GALNT13: variants seen among roughly 807,000 people sequenced by gnomAD.
GALNT13 encodes polypeptide N-acetylgalactosaminyltransferase 13.
Under a neutral mutation model 64.2 loss-of-function variants are expected in GALNT13, and 28 were observed. The observed-to-expected ratio is 0.44, with a 90% CI of 0.32 to 0.60. GALNT13 has a LOEUF of 0.60. GALNT13 is among the 20% of genes least tolerant of loss of function. The pLI is 0.05. For missense variants in GALNT13, 577 were observed against 669.8 expected, an observed-to-expected ratio of 0.86 and a Z score of 1.53; for synonymous variants, 214 against 224.6, an observed-to-expected ratio of 0.95 and a Z score of 0.42.
the GALNT13 span, among the ~76,000 whole-genome samples, chr2:153,634,711 C>A: frequency 6.6e-6 from 1 of 151,528 alleles, no homozygotes; most frequent in Non-Finnish European, 1.5e-5. Context: ...CCATCACACC[C>A]GGCTAATTTT....
At chr2:153,110,539 C>T in the GALNT13 span, among the ~76,000 whole-genome samples, 2 of 152,020 alleles carry the variant, frequency 1.3e-5, no homozygotes, top group Admixed American at 6.6e-5. Flanking sequence ...AAAGGAAAGG[C>T]CTTTGGACTT....
chr2:154,315,170 A>G (rs1389672108), intron 9 of GALNT13, among the ~76,000 whole-genome samples: 4 of 152,218 alleles, frequency 2.6e-5, no homozygotes, highest in Admixed American at 2.0e-4. Context: ...TTTACAGGAC[A>G]TTAAACTCTC....
chr2:153,664,066 C>T, the GALNT13 span, among the ~76,000 whole-genome samples: 1 of 152,142 alleles, frequency 6.6e-6, no homozygotes, highest in African/African-American at 2.4e-5. Flanking sequence ...CCGCTGGGCA[C>T]GTATTGTCTT....
intron 3 of GALNT13, among the ~76,000 whole-genome samples, chr2:154,011,740 C>T (rs946467193): frequency 2.0e-5 from 3 of 151,834 alleles, no homozygotes; most frequent in Admixed American, 6.6e-5. Flanking sequence ...TTTATGAATC[C>T]GTATACTCCT....
intron 4 of GALNT13, among the ~76,000 whole-genome samples, chr2:154,191,266 C>T (rs77639881): frequency 0.047 from 7,200 of 152,252 alleles, 206 homozygotes; most frequent in Non-Finnish European, 0.058. Context: ...CGCGCACGCA[C>T]GCACACACAC....
chr2:153,963,678 T>A (rs1418687596), intron 3 of GALNT13, among the ~76,000 whole-genome samples: 1 of 151,666 alleles, frequency 6.6e-6, no homozygotes. Flanking sequence ...CTATTGATAC[T>A]GAGCATCAAT....
chr2:153,463,043 G>A, the GALNT13 span, among the ~76,000 whole-genome samples: 3 of 152,016 alleles, frequency 2.0e-5, no homozygotes, highest in African/African-American at 7.2e-5. Context: ...CTCTAAAAAT[G>A]TAATTTATAG....
At chr2:153,255,595 C>A in the GALNT13 span, among the ~76,000 whole-genome samples, 1 of 152,024 alleles carries the variant, frequency 6.6e-6, no homozygotes, top group African/African-American at 2.4e-5. Context: ...GATTTTGCAG[C>A]GGCTGGTACC....
chr2:153,373,900 C>T, the GALNT13 span, among the ~76,000 whole-genome samples: 3 of 152,064 alleles, frequency 2.0e-5, no homozygotes, highest in Non-Finnish European at 2.9e-5. Context: ...TTTTTCTTAA[C>T]GTTATGTCAA....
At chr2:153,218,347 C>G in the GALNT13 span, among the ~76,000 whole-genome samples, 1 of 152,154 alleles carries the variant, frequency 6.6e-6, no homozygotes. Context: ...TAACTTAATC[C>G]TTAGTGTTTC....
chr2:154,318,874 C>T (rs3916593), intron 9 of GALNT13, among the ~76,000 whole-genome samples: 22,639 of 152,012 alleles, frequency 0.15, 1,959 homozygotes, highest in Middle Eastern at 0.24. Flanking sequence ...AGTATACACA[C>T]GCGCGCGCAC....
intron 1 of GALNT13, among the ~76,000 whole-genome samples, chr2:153,884,793 G>GTA (rs368640974): frequency 2.2e-4 from 13 of 59,820 alleles, no homozygotes; most frequent in South Asian, 1.5e-3. Context: ...ATATGTGTGT[G>GTA]TATATATATA....
At chr2:153,308,951 T>C in the GALNT13 span, among the ~76,000 whole-genome samples, 1 of 152,116 alleles carries the variant, frequency 6.6e-6, no homozygotes, top group Non-Finnish European at 1.5e-5. Flanking sequence ...AGATCTTTTA[T>C]TATTTAATAT....
In GALNT13 at chr2:153,928,414, G is replaced by A. The variant is rs558104068; in HGVS notation, c.-104-15980G>A. On this transcript the variant is annotated intron_variant, in intron 2 of 12. Transcript: ENST00000392825. ...CTTTTTAATCAGGAGATTTATGGCA[G>A]AAGATGGCCAGCTAGCTGATAGATG... Among the ~76,000 whole-genome samples the A allele has an allele frequency of 1.9e-4, 29 of 152,250 alleles. No individual in the cohort carries two copies. The South Asian group carries it at 6.0e-3, about 32-fold the overall frequency.
chr2:153,672,673 G>T, the GALNT13 span, among the ~76,000 whole-genome samples: 1 of 151,616 alleles, frequency 6.6e-6, no homozygotes, highest in Non-Finnish European at 1.5e-5. Flanking sequence ...AAATTCAACA[G>T]CTAGCAGAAG....
intron 3 of GALNT13, among the ~76,000 whole-genome samples, chr2:154,133,468 T>C (rs1393566806): frequency 6.8e-6 from 1 of 146,424 alleles, no homozygotes; most frequent in Non-Finnish European, 1.5e-5. Context: ...TTATTTATAA[T>C]GTCTATACAT....
At chr2:153,122,250 GTTATGTTAAATGAACA>G in the GALNT13 span, among the ~76,000 whole-genome samples, 2 of 151,740 alleles carry the variant, frequency 1.3e-5, no homozygotes, top group African/African-American at 2.4e-5. Flanking sequence ...GCTATATGGT[GTTATGTTAAATGAACA>G]TTATGTTAAA....
At chr2:153,351,333 T>G in the GALNT13 span, among the ~76,000 whole-genome samples, 3 of 152,204 alleles carry the variant, frequency 2.0e-5, no homozygotes, top group East Asian at 5.8e-4. Flanking sequence ...CTTTATGTCC[T>G]CAGCAAAATT....
the GALNT13 span, among the ~76,000 whole-genome samples, chr2:153,659,184 G>T: frequency 3.9e-5 from 6 of 152,110 alleles, no homozygotes; most frequent in South Asian, 4.1e-4. Context: ...ATGAATTACT[G>T]TATCATTTAT....
Sources: allele counts gnomAD v4.1 joint callset (sites outside exome capture counted in the v4.1 genomes callset), GRCh38; gene constraint gnomAD v4.1.1; transcripts MANE v1.5; gene names NCBI Gene and HGNC (gene_info 2026-07-23, HGNC 2026-07-21).